Variants in SMC6 observed in about 807,000 individuals in gnomAD.
SMC6 encodes structural maintenance of chromosomes protein 6.
In SMC6, 79 loss-of-function variants were observed where a neutral mutation model predicts 142.2. The observed-to-expected ratio is 0.56, with a 90% CI of 0.46 to 0.67. SMC6 has a LOEUF of 0.67. SMC6 is among the 30% of genes least tolerant of loss of function. The pLI is 0.00. For synonymous variants in SMC6, 411 were observed against 412.4 expected, an observed-to-expected ratio of 1.00 and a Z score of 0.04; for missense variants, 1,072 against 1,284.0, an observed-to-expected ratio of 0.83 and a Z score of 2.52.
rs1271724326 is a variant in SMC6 at position 17,707,242 on chromosome 2, G to A, written c.1983C>T (p.Ser661=). The A allele has an allele frequency of 6.3e-7, 1 of 1,596,902 alleles. No homozygotes were observed. The highest frequency in any genetic ancestry group is 1.4e-5 in the African/African-American group (1 of 73,978). ...ACCTTATTTCAGAATCCACATCTCTGCTTAGGAACTTAGGTCTTGTATTTT... is the reference window on the plus strand; with the variant it reads ...ACCTTATTTCAGAATCCACATCTCTACTTAGGAACTTAGGTCTTGTATTTT... ...SSENTRPKFL[S]RDVDSEISDL... is the part of the protein sequence containing the mutation. Residue 661 remains serine (S), a synonymous_variant, in exon 18 of 28, where the codon AGC becomes AGT. Coordinates refer to ENST00000448223, the MANE Select transcript of SMC6 (RefSeq NM_001142286.2).
chr2:17,669,957 T>C (rs983598746), intron 26 of SMC6, among the ~76,000 whole-genome samples: 1 of 152,198 alleles, frequency 6.6e-6, no homozygotes, highest in Non-Finnish European at 1.5e-5. Flanking sequence ...ATCCTATGCT[T>C]TTTAACTGGA....
At position 17,700,290 on chromosome 2, in the gene SMC6, CTT is replaced by C; in HGVS notation, c.2310_2311del (p.Leu772GlufsTer7). The C allele has an allele frequency of 1.9e-6, 3 of 1,611,468 alleles. No homozygotes were observed. The highest frequency in any genetic ancestry group is 2.5e-6 in the Non-Finnish European group (3 of 1,178,706). On this transcript the variant is annotated frameshift_variant, in exon 21 of 28. Coordinates refer to ENST00000448223, the MANE Select transcript of SMC6 (RefSeq NM_001142286.2). LOFTEE classifies it high-confidence loss of function. ...CTTATTTTCTGCTTCTATTTTCAGA[CTT>C]TTAAGATGCTCCATATTTTCTTTTT...
chr2:17,704,059 A>G (rs1347613340), intron 18 of SMC6, among the ~76,000 whole-genome samples: 1 of 151,924 alleles, frequency 6.6e-6, no homozygotes, highest in Non-Finnish European at 1.5e-5. Context: ...TATTATGCAT[A>G]GTGGTAGACA....
In SMC6 at chr2:17,678,931, G is replaced by A. The variant is rs767998823; in HGVS notation, c.2838C>T (p.Asp946=). Residue 946 remains aspartate (D), a synonymous_variant, in exon 25 of 28, where the codon GAC becomes GAT. Transcript: ENST00000448223. The part of the protein sequence containing the change: ...CLTLRCKLYF[D]NLLSQRAYCG... ...AATAGGCCCGCTGAGATAGTAAGTT[G>A]TCAAAGTATAATTTGCATCGTAAAG... The A allele has an allele frequency of 6.2e-7, 1 of 1,611,890 alleles. No homozygotes were observed. Among genetic ancestry groups the A allele is most frequent in the Non-Finnish European group, 8.5e-7 (1 of 1,179,054 alleles).
chr2:17,703,942 T>G (rs964139130), intron 18 of SMC6, among the ~76,000 whole-genome samples: 1 of 151,988 alleles, frequency 6.6e-6, no homozygotes, highest in African/African-American at 2.4e-5. Flanking sequence ...GGCTATTAAG[T>G]TTTTGGGGAG....
At chr2:17,695,914 T>G (rs535267222) in intron 22 of SMC6, among the ~76,000 whole-genome samples, 3 of 152,330 alleles carry the variant, frequency 2.0e-5, no homozygotes, top group African/African-American at 7.2e-5. Context: ...CCAATAGACA[T>G]GTCTCGTAGG....
At position 17,731,741 on chromosome 2, in the gene SMC6, C is replaced by A; in HGVS notation, c.481G>T (p.Gly161Cys). 2 of 1,610,178 alleles carry A rather than the reference C, an allele frequency of 1.2e-6. No homozygotes were observed. Among genetic ancestry groups the A allele is most frequent in the Non-Finnish European group, 1.7e-6 (2 of 1,178,586 alleles). Residue 161 changes from glycine (G) to cysteine (C), a missense_variant and splice_region_variant, in exon 6 of 28, where the codon GGC becomes TGC. By Grantham distance (159) the Gly-to-Cys change is radical. Coordinates refer to ENST00000448223, the MANE Select transcript of SMC6 (RefSeq NM_001142286.2). Reference sequence around the variant, plus strand: ...AAATGAAAAGAGAATCAAAACAAACCTGTTGCACTTTTAAGTTTATAAGAT... The same window carrying A: ...AAATGAAAAGAGAATCAAAACAAACATGTTGCACTTTTAAGTTTATAAGAT... ...SRSYKLKSAT[G>C]SVVSTRKEEL...
At position 17,716,917 on chromosome 2, in the gene SMC6, T is replaced by A; in HGVS notation, c.1182-12A>T. 1 of 1,587,910 alleles carries A rather than the reference T, an allele frequency of 6.3e-7. No homozygotes were observed. The highest frequency in any genetic ancestry group is 2.2e-5 in the East Asian group (1 of 44,504). Reference sequence around the variant, plus strand: ...AAGATTGGTCAGTACTAACAGTAAATAACCCAAAGTGAAAAATGTTAGTTC... The same window carrying A: ...AAGATTGGTCAGTACTAACAGTAAAAAACCCAAAGTGAAAAATGTTAGTTC... On this transcript the variant is annotated splice_polypyrimidine_tract_variant and intron_variant, in intron 13 of 27. Transcript: ENST00000448223.
chr2:17,690,056 C>T (rs1667632752), intron 23 of SMC6, among the ~76,000 whole-genome samples: 1 of 152,136 alleles, frequency 6.6e-6, no homozygotes, highest in Admixed American at 6.6e-5. Flanking sequence ...ATGGGAAAAT[C>T]CACTAGGATT....
chr2:17,727,505 TTA>T (rs35081864), intron 7 of SMC6, among the ~76,000 whole-genome samples: 70,878 of 148,500 alleles, frequency 0.48, 18,631 homozygotes, highest in East Asian at 0.9. Context: ...AAACTCCTCT[TTA>T]TATATATATA....
chr2:17,700,124 T>G, intron 21 of SMC6, 84 bp downstream of exon 21: 1 of 907,356 alleles, frequency 1.1e-6, no homozygotes, highest in Non-Finnish European at 1.6e-6. Flanking sequence ...CCAAAAATTC[T>G]TTTAGGCCAA....
At chr2:17,717,930 G>A in intron 12 of SMC6, 147 bp downstream of exon 12, 1 of 719,252 alleles carries the variant, frequency 1.4e-6, no homozygotes, top group Non-Finnish European at 2.1e-6. Flanking sequence ...AGGCTACAGT[G>A]AGCCGTGATG....
chr2:17,702,175 C>T (rs1249379967), intron 19 of SMC6, among the ~76,000 whole-genome samples: 5 of 152,184 alleles, frequency 3.3e-5, no homozygotes, highest in African/African-American at 9.6e-5. Flanking sequence ...TTGAGTCCAA[C>T]GAGAAAAATT....
chr2:17,683,571 T>C lies in SMC6; in HGVS notation c.2804+67A>G, dbSNP rs140591514. ...TAGTCTCTGCTATAACAGAATTATA[T>C]AAATAATATGAAAACAGAGAAACAC... On this transcript the variant is annotated intron_variant, in intron 24 of 27. Transcript: ENST00000448223. The C allele has an allele frequency of 6.9e-3, 9,370 of 1,357,180 alleles. 42 individuals are homozygous for C. The highest frequency in any genetic ancestry group is 8.5e-3 in the Non-Finnish European group (8,413 of 984,204). The allele number at this position is 1,357,180 out of a possible 1,614,324, so 84.1% of individuals were successfully genotyped here. A position where few individuals can be genotyped will look rare whatever the true frequency, so the allele number is the denominator to read the frequency against.
intron 22 of SMC6, 89 bp from the exon 23 acceptor site, chr2:17,695,386 T>C: frequency 9.3e-7 from 1 of 1,070,264 alleles, no homozygotes; most frequent in Non-Finnish European, 1.3e-6. Context: ...AAAGTAAAAT[T>C]CTGAACTCAT....
intron 23 of SMC6, among the ~76,000 whole-genome samples, chr2:17,691,738 T>C (rs1330266954): frequency 6.6e-6 from 1 of 151,942 alleles, no homozygotes; most frequent in East Asian, 1.9e-4. Context: ...GAGAAGGAAA[T>C]AAAGGGTATT....
At position 17,741,609 on chromosome 2, in the gene SMC6, T is replaced by C. The variant is rs774975963; in HGVS notation, c.238+3A>G. On this transcript the variant is annotated splice_donor_region_variant and intron_variant, in intron 4 of 27. Transcript: ENST00000448223. ...GTCAAACGAGAAGGGAAAAAACACT[T>C]ACTTCCATTGTTGCCAACAACAAAG... The C allele has an allele frequency of 6.3e-7, 1 of 1,585,792 alleles. No individual in the cohort carries two copies.
intron 2 of SMC6, chr2:17,746,158 T>C: frequency 2.1e-6 from 1 of 471,238 alleles, no homozygotes; most frequent in Admixed American, 4.1e-5. Context: ...GAAATAGATT[T>C]TCCCCTAGAG....
intron 15 of SMC6, among the ~76,000 whole-genome samples, chr2:17,715,615 T>TA (rs963202383): frequency 2.0e-5 from 3 of 152,138 alleles, no homozygotes; most frequent in African/African-American, 7.2e-5. Flanking sequence ...AACACGTGAC[T>TA]AAAAAAAATT....
Sources: gnomAD v4.1 joint callset for allele counts (sites outside exome capture counted in the v4.1 genomes callset) on GRCh38, gnomAD v4.1.1 for gene constraint, MANE v1.5 for transcripts, NCBI Gene and HGNC (gene_info 2026-07-23, HGNC 2026-07-21) for gene names.